The following BBS9 variants were observed in gnomAD, a reference collection of about 807,000 sequenced individuals.
BBS9 encodes Bardet-Biedl syndrome 9.
Under a neutral mutation model 117.7 loss-of-function variants are expected in BBS9, and 89 were observed. The observed-to-expected ratio is 0.76, with a 90% CI of 0.64 to 0.90. The LOEUF is 0.90. BBS9 is among the 40% of genes least tolerant of loss of function. The probability of loss-of-function intolerance (pLI) is 0.00; values close to 1 mark genes in which losing one functional copy is unlikely to be tolerated. For synonymous variants in BBS9, 379 were observed against 370.9 expected, an observed-to-expected ratio of 1.02 and a Z score of -0.25; for missense variants, 982 against 1,042.2, an observed-to-expected ratio of 0.94 and a Z score of 0.80.
intron 4 of BBS9, among the ~76,000 whole-genome samples, chr7:33,171,147 T>G (rs1796502833): frequency 6.6e-6 from 1 of 152,098 alleles, no homozygotes; most frequent in South Asian, 2.1e-4. Flanking sequence ...CATCGCCAAG[T>G]CAATCCCAAG....
chr7:33,615,931 G>C (rs547481358), intron 21 of BBS9, among the ~76,000 whole-genome samples: 3 of 151,936 alleles, frequency 2.0e-5, no homozygotes, highest in Non-Finnish European at 4.4e-5. Flanking sequence ...CACTAGCCTA[G>C]AACTCTGTAC....
chr7:33,167,403 C>CTTT (rs1202170784), intron 4 of BBS9, among the ~76,000 whole-genome samples: 2 of 134,212 alleles, frequency 1.5e-5, no homozygotes. Context: ...TCTGAGAATT[C>CTTT]TTTTTTTTTT....
chr7:33,132,780 A>G (rs1401181220), intron 1 of BBS9, among the ~76,000 whole-genome samples: 1 of 152,160 alleles, frequency 6.6e-6, no homozygotes, highest in Non-Finnish European at 1.5e-5. Flanking sequence ...TCTTTCCTAG[A>G]TTGGAATACA....
At chr7:33,409,455 G>C (rs993579963) in intron 19 of BBS9, among the ~76,000 whole-genome samples, 1 of 152,134 alleles carries the variant, frequency 6.6e-6, no homozygotes, top group African/African-American at 2.4e-5. Context: ...GTTAAAGATT[G>C]ATGGTTATAG....
At chr7:33,471,515 A>G (rs1175041012) in intron 19 of BBS9, among the ~76,000 whole-genome samples, 1 of 152,224 alleles carries the variant, frequency 6.6e-6, no homozygotes, top group Non-Finnish European at 1.5e-5. Context: ...GAACAACAGT[A>G]TGACTAGACC....
In BBS9 at chr7:33,605,244, G is replaced by T; in HGVS notation, c.*18G>T. 1.2e-6 allele frequency: 2 copies of T among 1,610,816 alleles called. No individual in the cohort carries two copies. Among genetic ancestry groups the T allele is most frequent in the South Asian group, 1.1e-5 (1 of 91,008 alleles). On this transcript the variant is annotated 3_prime_UTR_variant, in exon 23 of 23. Coordinates refer to ENST00000242067, the MANE Select transcript of BBS9 (RefSeq NM_198428.3). ...CGGAATAATTCAAGTAGAGTTGTTT[G>T]GTTGAGAGGAACATCCCCATCTCAA...
intron 15 of BBS9, among the ~76,000 whole-genome samples, chr7:33,353,519 AG>A (rs1402715407): frequency 6.6e-6 from 1 of 152,016 alleles, no homozygotes; most frequent in Non-Finnish European, 1.5e-5. Context: ...GAGCTTTTTG[AG>A]GGCAGGGGTC....
chr7:33,244,354 A>T (rs1795009482), intron 5 of BBS9, among the ~76,000 whole-genome samples: 2 of 152,320 alleles, frequency 1.3e-5, no homozygotes, highest in East Asian at 1.9e-4. Flanking sequence ...GAGCCTGGGA[A>T]TCACTGTTTT....
chr7:33,482,377 T>A (rs918316834), intron 19 of BBS9, among the ~76,000 whole-genome samples: 6 of 152,158 alleles, frequency 3.9e-5, no homozygotes, highest in African/African-American at 1.4e-4. Flanking sequence ...GCAACTCTTC[T>A]CTTATTTTTT....
intron 19 of BBS9, among the ~76,000 whole-genome samples, chr7:33,462,577 G>A (rs561623719): frequency 6.6e-6 from 1 of 152,144 alleles, no homozygotes; most frequent in South Asian, 2.1e-4. Flanking sequence ...AACTGTAAAC[G>A]TTCCTAATGT....
Position 33,257,234 on chromosome 7 carries a change from A to C in BBS9, c.443-2A>C. 1 of 1,600,584 alleles carries C rather than the reference A, an allele frequency of 6.2e-7. No individual in the cohort carries two copies. The highest frequency in any genetic ancestry group is 8.6e-7 in the Non-Finnish European group (1 of 1,169,542). On this transcript the variant is annotated splice_acceptor_variant, in intron 5 of 22. Coordinates refer to ENST00000242067, the MANE Select transcript of BBS9 (RefSeq NM_198428.3). LOFTEE classifies it high-confidence loss of function. ...ATCTAATTTTCTCTAATTCTTCTTT[A>C]GGTCGAGATTTAATTTGCATCCAGT...
At chr7:33,319,740 G>A (rs527713408) in intron 9 of BBS9, among the ~76,000 whole-genome samples, 26 of 152,206 alleles carry the variant, frequency 1.7e-4, no homozygotes, top group South Asian at 8.3e-4. Flanking sequence ...CTTCTGCACC[G>A]CAAAAGGAAC....
intron 20 of BBS9, among the ~76,000 whole-genome samples, chr7:33,527,198 T>C (rs1044811427): frequency 6.6e-6 from 1 of 152,138 alleles, no homozygotes; most frequent in African/African-American, 2.4e-5. Context: ...CTGCTGTCTT[T>C]TTGTTTGTCT....
intron 5 of BBS9, among the ~76,000 whole-genome samples, chr7:33,252,848 ATATT>A (rs1437131391): frequency 6.6e-6 from 1 of 152,150 alleles, no homozygotes; most frequent in Non-Finnish European, 1.5e-5. Flanking sequence ...CAAAATGTAT[ATATT>A]TAGACTTAAT....
intron 17 of BBS9, among the ~76,000 whole-genome samples, chr7:33,369,440 C>A (rs967370986): frequency 6.6e-6 from 1 of 152,134 alleles, no homozygotes; most frequent in African/African-American, 2.4e-5. Flanking sequence ...CTAAATTTTA[C>A]CAAAAATCAA....
intron 6 of BBS9, among the ~76,000 whole-genome samples, chr7:33,261,280 T>G (rs928198904): frequency 6.6e-6 from 1 of 152,210 alleles, no homozygotes; most frequent in African/African-American, 2.4e-5. Context: ...AGTAAACATT[T>G]GTTTTTCTCC....
At chr7:33,586,695 A>G (rs1860948827) in intron 21 of BBS9, among the ~76,000 whole-genome samples, 1 of 152,140 alleles carries the variant, frequency 6.6e-6, no homozygotes, top group Admixed American at 6.6e-5. Context: ...CATATGCACC[A>G]TGGAGTACTA....
chr7:33,345,306 A>G (rs1237651000), intron 12 of BBS9, among the ~76,000 whole-genome samples: 2 of 152,230 alleles, frequency 1.3e-5, no homozygotes, highest in Non-Finnish European at 2.9e-5. Context: ...AAATATGGTA[A>G]TCAGTCAGCA....
intron 9 of BBS9, among the ~76,000 whole-genome samples, chr7:33,328,238 C>T (rs1813244459): frequency 6.6e-6 from 1 of 152,206 alleles, no homozygotes; most frequent in African/African-American, 2.4e-5. Context: ...TTGCTCTGCT[C>T]TCTCATGCAG....
Sources: allele counts gnomAD v4.1 joint callset (sites outside exome capture counted in the v4.1 genomes callset), GRCh38; gene constraint gnomAD v4.1.1; transcripts MANE v1.5; gene names NCBI Gene and HGNC (gene_info 2026-07-23, HGNC 2026-07-21).